Variants in SORCS1 observed in about 807,000 individuals in gnomAD.
SORCS1 encodes the protein VPS10 domain-containing receptor SorCS1.
SORCS1 carries 60 observed loss-of-function variants against 146.1 expected under a neutral mutation model. The ratio of observed to expected loss-of-function variants is 0.41; its 90% confidence interval spans 0.33 to 0.51. SORCS1 has a LOEUF of 0.51. Among genes scored for constraint, SORCS1 ranks in the 20% least tolerant of loss-of-function variants. The pLI is 0.21. For synonymous variants in SORCS1, 637 were observed against 584.0 expected (o/e 1.09, Z -1.31); for missense variants, 1,352 against 1,487.6 (o/e 0.91, Z 1.50).
At chr10:106,797,124 A>C (rs1275825352) in intron 3 of SORCS1, among the ~76,000 whole-genome samples, 1 of 152,130 alleles carries the variant, frequency 6.6e-6, no homozygotes, top group Non-Finnish European at 1.5e-5. Context: ...TAATAATAAT[A>C]AAAATAAAAG....
rs114864117 is a variant in SORCS1 at position 106,582,034 on chromosome 10, G to T, written c.3266-2560C>A. Among the ~76,000 whole-genome samples the T allele has an allele frequency of 1.5e-3, 234 of 152,098 alleles. 1 individual carries two copies. The highest frequency in any genetic ancestry group is 5.4e-3 in the African/African-American group (224 of 41,500). On this transcript the variant is annotated intron_variant, in intron 24 of 25. Coordinates refer to ENST00000263054, the MANE Select transcript of SORCS1 (RefSeq NM_052918.5). ...TAAGAATACTGAGCTTGCTTGAAAA[G>T]GTTGGCATTTGAAATAAATGGAAAA... is the stretch of plus-strand genomic sequence containing the variant.
intron 1 of SORCS1, among the ~76,000 whole-genome samples, chr10:107,162,562 C>T (rs1354708888): frequency 6.6e-6 from 1 of 152,182 alleles, no homozygotes; most frequent in Admixed American, 6.5e-5. Context: ...CAGACTCTGT[C>T]ATGAAGGAGG....
intron 6 of SORCS1, among the ~76,000 whole-genome samples, chr10:106,714,307 G>GAAAA (rs1343253813): frequency 6.6e-6 from 1 of 151,862 alleles, no homozygotes; most frequent in African/African-American, 2.4e-5. Flanking sequence ...GCCAACAATA[G>GAAAA]AAAAAGAACT....
chr10:106,921,721 C>T (rs968992667), intron 2 of SORCS1, among the ~76,000 whole-genome samples: 8 of 152,136 alleles, frequency 5.3e-5, no homozygotes, highest in Non-Finnish European at 1.2e-4. Context: ...TCAATAAAAA[C>T]AATAGGAAAC....
chr10:106,986,562 A>C (rs2139414199), intron 1 of SORCS1, among the ~76,000 whole-genome samples: 1 of 146,798 alleles, frequency 6.8e-6, no homozygotes, highest in South Asian at 2.2e-4. Flanking sequence ...GTGAGTGTGT[A>C]ACTTTTTTAT....
chr10:106,897,045 C>T (rs1021704606), intron 2 of SORCS1, among the ~76,000 whole-genome samples: 18 of 151,898 alleles, frequency 1.2e-4, no homozygotes, highest in Non-Finnish European at 2.2e-4. Context: ...CGCCTGCCAC[C>T]GCGCCCGGCT....
chr10:106,951,525 A>AC (rs912582511), intron 2 of SORCS1, among the ~76,000 whole-genome samples: 3 of 151,702 alleles, frequency 2.0e-5, no homozygotes. Flanking sequence ...AAAAAAAAAA[A>AC]AAAAACGGAA....
At chr10:106,891,297 G>A (rs552290638) in intron 2 of SORCS1, among the ~76,000 whole-genome samples, 73 of 152,142 alleles carry the variant, frequency 4.8e-4, no homozygotes, top group Non-Finnish European at 7.6e-4. Flanking sequence ...ATAACCGGTG[G>A]CCCCTTAGAA....
At chr10:107,179,137 C>G in the SORCS1 span, among the ~76,000 whole-genome samples, 1 of 152,124 alleles carries the variant, frequency 6.6e-6, no homozygotes, top group African/African-American at 2.4e-5. Flanking sequence ...TATTTTGTGT[C>G]TTTTTGATAA....
At position 107,122,753 on chromosome 10, in the gene SORCS1, G is replaced by A. The variant is rs2105110; in HGVS notation, c.558+41216C>T. The stretch of plus-strand genomic sequence containing the variant: ...GTTTCAGGCTCCAAAGTGAGGCACC[G>A]ATTTAGCACTTGTCTTCTCTTCTGA... On this transcript the variant is annotated intron_variant, in intron 1 of 25. Transcript: ENST00000263054. 2.3e-3 allele frequency among the ~76,000 whole-genome samples: 346 copies of A among 152,176 alleles called. 2 individuals carry two copies. Among genetic ancestry groups the A allele is most frequent in the African/African-American group, 8.0e-3 (332 of 41,528 alleles).
intron 2 of SORCS1, among the ~76,000 whole-genome samples, chr10:106,912,823 C>T (rs529042840): frequency 7.7e-4 from 117 of 152,130 alleles, no homozygotes; most frequent in Non-Finnish European, 1.3e-3. Context: ...GGACTACAGG[C>T]GCACACCACC....
At chr10:106,760,120 G>T (rs941268279) in intron 5 of SORCS1, among the ~76,000 whole-genome samples, 1 of 152,104 alleles carries the variant, frequency 6.6e-6, no homozygotes, top group East Asian at 1.9e-4. Context: ...CATGAGGATA[G>T]GGTCCTTATG....
At chr10:107,034,560 A>G (rs914860646) in intron 1 of SORCS1, among the ~76,000 whole-genome samples, 7 of 150,940 alleles carry the variant, frequency 4.6e-5, no homozygotes, top group African/African-American at 1.7e-4. Context: ...GGAGCCTGTA[A>G]TTCCAGCTAT....
In SORCS1 at chr10:106,732,632, T is replaced by A. The variant is rs145404158; in HGVS notation, c.960-2518A>T. On this transcript the variant is annotated intron_variant, in intron 5 of 25. Coordinates refer to ENST00000263054, the MANE Select transcript of SORCS1 (RefSeq NM_052918.5). ...TACCCCAGAAACACAAGGTTAAAAC[T>A]AGCATGCAAGCCTATCTACTTGGCT... Among the ~76,000 whole-genome samples, 4 of 152,324 alleles carry A rather than the reference T, an allele frequency of 2.6e-5. No homozygotes were observed. The East Asian group carries it at 7.7e-4, about 29-fold the overall frequency.
chr10:106,855,977 G>C (rs1949770077), intron 2 of SORCS1, among the ~76,000 whole-genome samples: 1 of 151,972 alleles, frequency 6.6e-6, no homozygotes, highest in Non-Finnish European at 1.5e-5. Flanking sequence ...ATAGTCAATA[G>C]GCCTTTAGTT....
At chr10:106,873,950 C>A (rs1196233991) in intron 2 of SORCS1, among the ~76,000 whole-genome samples, 2 of 152,180 alleles carry the variant, frequency 1.3e-5, no homozygotes, top group African/African-American at 4.8e-5. Context: ...GCTGAGTGAC[C>A]TTGGGCAAGC....
At chr10:107,033,192 G>A (rs1009228591) in intron 1 of SORCS1, among the ~76,000 whole-genome samples, 1 of 152,128 alleles carries the variant, frequency 6.6e-6, no homozygotes, top group Non-Finnish European at 1.5e-5. Flanking sequence ...GTGCGCAGAA[G>A]GGAAGTGCCA....
At chr10:106,825,580 T>G (rs898510039) in intron 3 of SORCS1, among the ~76,000 whole-genome samples, 2 of 152,156 alleles carry the variant, frequency 1.3e-5, no homozygotes, top group African/African-American at 2.4e-5. Flanking sequence ...CCAAGTTTTT[T>G]TTTTTTCTTT....
At chr10:106,866,032 C>CAAA (rs60499735) in intron 2 of SORCS1, among the ~76,000 whole-genome samples, 5 of 95,142 alleles carry the variant, frequency 5.3e-5, no homozygotes, top group East Asian at 5.8e-4. Context: ...GATTCCGTCT[C>CAAA]AAAAAAAAAA....
Sources: gnomAD v4.1 joint callset for allele counts (sites outside exome capture counted in the v4.1 genomes callset) on GRCh38, gnomAD v4.1.1 for gene constraint, MANE v1.5 for transcripts, NCBI Gene and HGNC (gene_info 2026-07-23, HGNC 2026-07-21) for gene names.